Variants in KLK12 observed in about 807,000 individuals in gnomAD.
The protein encoded by KLK12 is kallikrein-12.
Under a neutral mutation model 20.0 loss-of-function variants are expected in KLK12, and 23 were observed. The ratio of observed to expected loss-of-function variants is 1.15; its 90% confidence interval spans 0.83 to 1.63. The LOEUF (loss-of-function observed/expected upper bound fraction) is 1.63. Among genes scored for constraint, KLK12 ranks in the 40% most tolerant of loss-of-function variants. KLK12 has a pLI of 0.00. For synonymous variants in KLK12, 147 were observed against 141.9 expected, an observed-to-expected ratio of 1.04 and a Z score of -0.25; for missense variants, 351 against 338.6, an observed-to-expected ratio of 1.04 and a Z score of -0.29.
intron 1 of KLK12, 27 bp downstream of exon 1, chr19:51,034,779 A>G (rs2091595549): frequency 4.0e-6 from 6 of 1,498,998 alleles, no homozygotes; most frequent in Non-Finnish European, 5.3e-6. Context: ...TCACTCCCTC[A>G]TTGGCAGTCG....
Position 51,029,246 on chromosome 19 carries a change from T to C in KLK12, c.*56A>G. On this transcript the variant is annotated 3_prime_UTR_variant, in exon 6 of 6. Transcript: ENST00000684732. ...AGTGATGGAGGAGATATTGGTGCTCTGAGGGCCAGAGGGGTACCCAAGTTA... is the reference window on the plus strand; with the variant it reads ...AGTGATGGAGGAGATATTGGTGCTCCGAGGGCCAGAGGGGTACCCAAGTTA... The C allele has an allele frequency of 1.2e-6, 2 of 1,613,442 alleles. No homozygotes were observed. The highest frequency in any genetic ancestry group is 1.7e-6 in the Non-Finnish European group (2 of 1,179,922).
Position 51,030,718 on chromosome 19 carries a change from C to T in KLK12, c.591+70G>A, listed in dbSNP as rs2091547701. On this transcript the variant is annotated intron_variant, in intron 5 of 5. Transcript: ENST00000684732. ...CCCTGATTCATCCTCCATCAGTTCCCCTCCTGCTTCCAGCCCCTCCCCTTC... is the reference window on the plus strand; with the variant it reads ...CCCTGATTCATCCTCCATCAGTTCCTCTCCTGCTTCCAGCCCCTCCCCTTC... 14 of 1,593,930 alleles carry T rather than the reference C, an allele frequency of 8.8e-6. No individual in the cohort carries two copies. In the South Asian group the frequency reaches 1.4e-4, roughly 16 times the overall value.
At chr19:51,033,001 C>T (rs1187172435) in intron 3 of KLK12, among the ~76,000 whole-genome samples, 1 of 151,060 alleles carries the variant, frequency 6.6e-6, no homozygotes, top group Non-Finnish European at 1.5e-5. Flanking sequence ...ATTGCTTGAG[C>T]TGAGGAGTTT....
In KLK12 at chr19:51,029,425, T is replaced by A; in HGVS notation, c.624A>T (p.Gly208=). The change falls in exon 6 of 6, where the codon GGA becomes GGT. Residue 208 remains glycine, a synonymous_variant. Transcript: ENST00000684732. ...CCCAGGACACCAGACCTTGAAGGAC[T>A]CCCCCACACACCAGGGGGCCCCCAG... ...GDSGGPLVCG[G]VLQGLVSWGS... is the part of the protein sequence containing the mutation. 1 of 1,613,340 alleles carries A rather than the reference T, an allele frequency of 6.2e-7. No individual in the cohort carries two copies. Among genetic ancestry groups the A allele is most frequent in the Non-Finnish European group, 8.5e-7 (1 of 1,179,422 alleles).
In KLK12 at chr19:51,032,105, G is replaced by A; in HGVS notation, c.228C>T (p.Ser76=). 6.2e-7 allele frequency: 1 copy of A among 1,604,064 alleles called. No homozygotes were observed. ...SRYWVRLGEH[S]LSQLDWTEQI... ...GCTCGGTCCAGTCGAGCTGGCTGAG[G>A]CTGTGTTCCCCCAGGCGCACCCAGT... Residue 76 remains serine, a synonymous_variant, in exon 4 of 6, where the codon AGC becomes AGT. Transcript: ENST00000684732.
At position 51,034,812 on chromosome 19, in the gene KLK12, T is replaced by C. The variant is rs1463027573; in HGVS notation, c.-26A>G. On this transcript the variant is annotated 5_prime_UTR_variant, in exon 1 of 6. Coordinates refer to ENST00000684732, the MANE Select transcript of KLK12 (RefSeq NM_001370125.1). ...TCGCCTACCTCCTTCTCACCTTGTC[T>C]CTTTGTCTGCCAGATCCTCTACGTG... The C allele has an allele frequency of 2.0e-6, 3 of 1,463,878 alleles. No homozygotes were observed. In the African/African-American group the frequency reaches 4.2e-5, roughly 21 times the overall value. The allele number at this position is 1,463,878 out of a possible 1,614,324, so 90.7% of individuals were successfully genotyped here. A position where few individuals can be genotyped will look rare whatever the true frequency, so the allele number is the denominator to read the frequency against.
chr19:51,031,958 T>C lies in KLK12; in HGVS notation c.375A>G (p.Gln125=), dbSNP rs1372922685. The stretch of plus-strand genomic sequence containing the variant: ...CACAGTCATTGGGCAGGGGCAGGGG[T>C]TGAACGCTGCTGGTTACGCGGACGG... The part of the protein sequence containing the change: ...RLPVRVTSSV[Q]PLPLPNDCAT... The change falls in exon 4 of 6, where the codon CAA becomes CAG. Residue 125 remains glutamine (Q), a synonymous_variant. Transcript: ENST00000684732. 33 of 1,613,148 alleles carry C rather than the reference T, an allele frequency of 2.0e-5. No homozygotes were observed. Among genetic ancestry groups the C allele is most frequent in the Non-Finnish European group, 2.5e-5 (30 of 1,179,712 alleles).
At chr19:51,032,294 C>CT (rs2091567702) in intron 3 of KLK12, among the ~76,000 whole-genome samples, 159 bp from the exon 4 acceptor site, 2 of 151,812 alleles carry the variant, frequency 1.3e-5, no homozygotes, top group Non-Finnish European at 2.9e-5. Flanking sequence ...CTTACAGGCT[C>CT]TTATTCCCAA....
chr19:51,034,595 C>A lies in KLK12; in HGVS notation c.27G>T (p.Leu9=), dbSNP rs1247344375. 1.2e-6 allele frequency: 2 copies of A among 1,611,710 alleles called. No homozygotes were observed. Among genetic ancestry groups the A allele is most frequent in the East Asian group, 2.2e-5 (1 of 44,880 alleles). The part of the protein sequence containing the change: MGLSIFLL[L]CVLGLSQAAT... ...TCCGGGAGAACTCACCAAGAACACA[C>A]AGGAGCAAAAAGATGCTGAGCCCCA... Residue 9 remains leucine, a synonymous_variant, in exon 2 of 6, where the codon CTG becomes CTT. Transcript: ENST00000684732.
intron 5 of KLK12, 136 bp downstream of exon 5, chr19:51,030,652 T>C: frequency 1.6e-6 from 2 of 1,284,840 alleles, no homozygotes; most frequent in South Asian, 2.4e-5. Context: ...AACCAGCCTC[T>C]CCCTTCCTTT....
Position 51,031,977 on chromosome 19 carries a change from C to G in KLK12, c.356G>C (p.Arg119Pro). ...CAGGGGTTGAACGCTGCTGGTTACG[C>G]GGACGGGCAGGCGCAGCCGCAGCAG... ...LRLLRLRLPV[R>P]VTSSVQPLPL... The change falls in exon 4 of 6, where the codon CGC becomes CCC. Residue 119 changes from arginine (R) to proline (P), a missense_variant. Transcript: ENST00000684732. 6.2e-7 allele frequency: 1 copy of G among 1,613,148 alleles called. No homozygotes were observed. Among genetic ancestry groups the G allele is most frequent in the Non-Finnish European group, 8.5e-7 (1 of 1,179,702 alleles).
chr19:51,034,953 C>T lies in KLK12; in HGVS notation c.-167G>A. ...CTCTACCACTCTGCACCTGGCTCCT[C>T]AGCCACCTGTCATGTTGCTCAACCG... On this transcript the variant is annotated 5_prime_UTR_variant, in exon 1 of 6. The change abolishes the stop of an existing upstream ORF in the 5' untranslated region. Transcript: ENST00000684732. The T allele has an allele frequency of 4.9e-6, 6 of 1,224,456 alleles. No homozygotes were observed. Among genetic ancestry groups the T allele is most frequent in the Non-Finnish European group, 6.2e-6 (6 of 972,320 alleles). The allele number at this position is 1,224,456 out of a possible 1,614,324, so 75.8% of individuals were successfully genotyped here.
intron 5 of KLK12, among the ~76,000 whole-genome samples, chr19:51,029,692 T>G (rs1316234533): frequency 6.6e-6 from 1 of 152,204 alleles, no homozygotes; most frequent in East Asian, 1.9e-4. Context: ...GGACAGAGGT[T>G]CTCTCAAGGA....
At chr19:51,031,841 T>C (rs2091561173) in intron 4 of KLK12, 35 bp downstream of exon 4, 1 of 1,610,350 alleles carries the variant, frequency 6.2e-7, no homozygotes, top group South Asian at 1.1e-5. Flanking sequence ...CTTGTACCCA[T>C]CCTGACCCCT....
intron 2 of KLK12, 54 bp downstream of exon 2, chr19:51,034,531 G>A (rs1301395615): frequency 1.9e-6 from 3 of 1,591,674 alleles, no homozygotes; most frequent in Non-Finnish European, 1.7e-6. Flanking sequence ...CTCCTCATGG[G>A]GGTGAAGGGA....
chr19:51,029,387 G>A lies in KLK12; in HGVS notation c.662C>T (p.Pro221Leu), dbSNP rs763988362. 11 of 1,613,206 alleles carry A rather than the reference G, an allele frequency of 6.8e-6. No homozygotes were observed. Among genetic ancestry groups the A allele is most frequent in the Non-Finnish European group, 6.8e-6 (8 of 1,179,592 alleles). Residue 221 changes from proline (P) to leucine (L), a missense_variant, in exon 6 of 6, where the codon CCC becomes CTC. Transcript: ENST00000684732. ...TCCAGGGATGCCATCTTGTCCACAG[G>A]GCCCCACAGACCCCCAGGACACCAG... ...QGLVSWGSVGPCGQDGIPGVY... is the reference protein window; with the variant it reads ...QGLVSWGSVGLCGQDGIPGVY...
chr19:51,029,843 A>G (rs1395996561), intron 5 of KLK12, among the ~76,000 whole-genome samples: 2 of 148,400 alleles, frequency 1.3e-5, no homozygotes, highest in East Asian at 4.0e-4. Flanking sequence ...AGGAGAGAGA[A>G]CACTATTATC....
chr19:51,029,247 G>A lies in KLK12; in HGVS notation c.*55C>T, dbSNP rs2091524461. 1 of 1,614,080 alleles carries A rather than the reference G, an allele frequency of 6.2e-7. No homozygotes were observed. The highest frequency in any genetic ancestry group is 8.5e-7 in the Non-Finnish European group (1 of 1,179,992). On this transcript the variant is annotated 3_prime_UTR_variant, in exon 6 of 6. Transcript: ENST00000684732. ...GTGATGGAGGAGATATTGGTGCTCTGAGGGCCAGAGGGGTACCCAAGTTAA... is the reference window on the plus strand; with the variant it reads ...GTGATGGAGGAGATATTGGTGCTCTAAGGGCCAGAGGGGTACCCAAGTTAA...
intron 4 of KLK12, 190 bp downstream of exon 4, chr19:51,031,686 C>T: frequency 1.4e-6 from 1 of 727,810 alleles, no homozygotes; most frequent in Non-Finnish European, 2.4e-6. Flanking sequence ...ATACCCAGTC[C>T]TTTAACCCCT....
Sources: gnomAD v4.1 joint callset for allele counts (sites outside exome capture counted in the v4.1 genomes callset) on GRCh38, gnomAD v4.1.1 for gene constraint, MANE v1.5 for transcripts, NCBI Gene and HGNC (gene_info 2026-07-23, HGNC 2026-07-21) for gene names.